The following RBFOX2 variants were observed in gnomAD, a reference collection of about 807,000 sequenced individuals.
RBFOX2 encodes RNA binding fox-1 homolog 2, also known as RNA binding protein fox-1 homolog 2.
In RBFOX2, 10 loss-of-function variants were observed where a neutral mutation model predicts 49.1. That is an observed-to-expected ratio of 0.20 (90% confidence interval 0.13 to 0.35). The LOEUF is 0.35. Ranked by LOEUF, RBFOX2 falls within the 10% of genes least tolerant of loss-of-function variation. RBFOX2 has a pLI of 1.00. For synonymous variants in RBFOX2, 183 were observed against 187.4 expected (o/e 0.98, Z 0.19); for missense variants, 323 against 486.9 (o/e 0.66, Z 3.17).
At chr22:35,787,374 C>T (rs1264468034) in intron 2 of RBFOX2, among the ~76,000 whole-genome samples, 1 of 151,846 alleles carries the variant, frequency 6.6e-6, no homozygotes, top group East Asian at 1.9e-4. Context: ...ATAGGTCAGG[C>T]TATGCAGAGA....
intron 1 of RBFOX2, among the ~76,000 whole-genome samples, chr22:35,987,517 C>G (rs986015652): frequency 1.3e-5 from 2 of 152,100 alleles, no homozygotes; most frequent in Non-Finnish European, 2.9e-5. Flanking sequence ...ATGTTTCAGT[C>G]CTAAAAGCAA....
At chr22:35,813,492 G>C (rs982619532) in intron 1 of RBFOX2, among the ~76,000 whole-genome samples, 1 of 152,194 alleles carries the variant, frequency 6.6e-6, no homozygotes, top group African/African-American at 2.4e-5. Flanking sequence ...CACAAGGCTA[G>C]ACAGAATAGC....
chr22:35,850,193 TACACACACACACAC>T (rs58692076), intron 1 of RBFOX2, among the ~76,000 whole-genome samples: 29 of 132,596 alleles, frequency 2.2e-4, no homozygotes, highest in African/African-American at 6.0e-4. Context: ...CTCTCTCTCA[TACACACACACACAC>T]ACACACACAC....
At chr22:35,750,418 A>G in intron 9 of RBFOX2, 1 of 1,594,024 alleles carries the variant, frequency 6.3e-7, no homozygotes, top group Non-Finnish European at 8.6e-7. Context: ...ATTTACACAC[A>G]ATCAGACCTG....
At chr22:35,810,501 G>T (rs1951660510) in intron 1 of RBFOX2, among the ~76,000 whole-genome samples, 1 of 151,930 alleles carries the variant, frequency 6.6e-6, no homozygotes, top group South Asian at 2.1e-4. Flanking sequence ...AAGTTGACAA[G>T]ACAGACACAC....
At chr22:35,812,005 A>G (rs558850715) in intron 1 of RBFOX2, among the ~76,000 whole-genome samples, 1 of 151,712 alleles carries the variant, frequency 6.6e-6, no homozygotes, top group Non-Finnish European at 1.5e-5. Context: ...TCACTTCTGT[A>G]ATCCCAGCAC....
intron 1 of RBFOX2, among the ~76,000 whole-genome samples, chr22:36,019,122 T>G (rs1300324693): frequency 1.3e-5 from 2 of 152,224 alleles, no homozygotes; most frequent in African/African-American, 4.8e-5. Context: ...CTGCCTTCCA[T>G]GTACCACTAA....
intron 1 of RBFOX2, among the ~76,000 whole-genome samples, chr22:35,929,682 C>T (rs925081218): frequency 1.3e-5 from 2 of 151,792 alleles, no homozygotes; most frequent in South Asian, 4.2e-4. Context: ...GACATGGTCT[C>T]GCTGTGTTGC....
intron 1 of RBFOX2, among the ~76,000 whole-genome samples, chr22:35,936,611 CCT>C (rs2053102609): frequency 6.6e-6 from 1 of 152,106 alleles, no homozygotes. Flanking sequence ...CTAAAATAAA[CCT>C]GTCACCATCA....
intron 1 of RBFOX2, among the ~76,000 whole-genome samples, chr22:35,812,890 A>T (rs189843215): frequency 6.6e-6 from 1 of 152,144 alleles, no homozygotes; most frequent in East Asian, 1.9e-4. Context: ...CGTTATTCTC[A>T]ACAGGGCTGA....
At chr22:35,882,892 C>G (rs1267243085) in intron 1 of RBFOX2, among the ~76,000 whole-genome samples, 1 of 152,158 alleles carries the variant, frequency 6.6e-6, no homozygotes, top group Non-Finnish European at 1.5e-5. Context: ...AGTATTAGGG[C>G]TGCTTTCTCA....
chr22:35,754,551 A>G (rs1602163159), intron 9 of RBFOX2, among the ~76,000 whole-genome samples: 1 of 152,252 alleles, frequency 6.6e-6, no homozygotes, highest in Non-Finnish European at 1.5e-5. Flanking sequence ...GTTAAATAAC[A>G]AAGATGAGTT....
exon 12 of RBFOX2, chr22:35,744,111 C>T (rs1931291899): frequency 1.8e-6 from 2 of 1,113,628 alleles, no homozygotes; most frequent in Non-Finnish European, 1.2e-6. Context: ...TTTTCCTCTT[C>T]ATCTTGCTAT....
intron 1 of RBFOX2, among the ~76,000 whole-genome samples, chr22:35,954,979 G>C (rs1351882452): frequency 6.6e-6 from 1 of 152,162 alleles, no homozygotes; most frequent in East Asian, 1.9e-4. Flanking sequence ...CTAATTTCCA[G>C]ATAGAAACTT....
At chr22:35,872,968 C>T (rs1383670834) in intron 1 of RBFOX2, among the ~76,000 whole-genome samples, 6 of 152,158 alleles carry the variant, frequency 3.9e-5, no homozygotes, top group African/African-American at 1.4e-4. Context: ...CCTCCCGTAG[C>T]AGTATTAAGC....
At chr22:35,849,264 T>G (rs1033425371) in intron 1 of RBFOX2, among the ~76,000 whole-genome samples, 1 of 149,626 alleles carries the variant, frequency 6.7e-6, no homozygotes, top group African/African-American at 2.5e-5. Context: ...CCAGCCCACC[T>G]GGTTCAAAAC....
intron 1 of RBFOX2, among the ~76,000 whole-genome samples, chr22:35,953,520 T>A (rs916068359): frequency 1.3e-5 from 2 of 152,188 alleles, no homozygotes; most frequent in African/African-American, 4.8e-5. Context: ...ACAGGATGAT[T>A]GCTTAATGGA....
At chr22:35,941,366 G>A (rs2053669295), upstream of RBFOX2, among the ~76,000 whole-genome samples, 1 of 151,934 alleles carries the variant, frequency 6.6e-6, no homozygotes, top group Admixed American at 6.6e-5. Context: ...AAGAGATAGA[G>A]GCAAAAAGAA....
chr22:35,929,422 T>C (rs1427252189), intron 1 of RBFOX2, among the ~76,000 whole-genome samples: 1 of 152,034 alleles, frequency 6.6e-6, no homozygotes. Context: ...CTATTCATAA[T>C]AGCCAAGTTG....
Sources: gnomAD v4.1 joint callset for allele counts (sites outside exome capture counted in the v4.1 genomes callset) on GRCh38, gnomAD v4.1.1 for gene constraint, MANE v1.5 for transcripts, NCBI Gene and HGNC (gene_info 2026-07-23, HGNC 2026-07-21) for gene names.